The following BLTP2 variants were observed in gnomAD, a reference collection of about 807,000 sequenced individuals.
The protein encoded by BLTP2 is U937-associated antigen.
At chr17:28,631,162 G>C in the BLTP2 span, among the ~76,000 whole-genome samples, 2 of 152,088 alleles carry the variant, frequency 1.3e-5, no homozygotes, top group Non-Finnish European at 2.9e-5. Context: ...ATAAGGTCAC[G>C]AGGGTGGGGC....
the BLTP2 span, among the ~76,000 whole-genome samples, chr17:28,625,843 G>C: frequency 1.1e-4 from 17 of 152,044 alleles, no homozygotes; most frequent in Non-Finnish European, 2.2e-4. Context: ...TCGGCTCACT[G>C]CAACCTCCAC....
At chr17:28,635,521 C>T in the BLTP2 span, 55 of 1,613,976 alleles carry the variant, frequency 3.4e-5, no homozygotes, top group Middle Eastern at 3.3e-4. Flanking sequence ...TAGTAGGTCT[C>T]GGCACTGTAG....
chr17:28,621,315 G>T, the BLTP2 span: 1 of 1,423,256 alleles, frequency 7.0e-7, no homozygotes, highest in Non-Finnish European at 9.9e-7. Flanking sequence ...ATACACTGAC[G>T]TTAAGAATAG....
At chr17:28,644,871 C>T in the BLTP2 span, 1 of 738,020 alleles carries the variant, frequency 1.4e-6, no homozygotes, top group East Asian at 3.2e-5. Context: ...CTCCACCCTA[C>T]CCACTCTGCC....
the BLTP2 span, among the ~76,000 whole-genome samples, chr17:28,621,963 G>C: frequency 6.6e-6 from 1 of 152,138 alleles, no homozygotes; most frequent in Non-Finnish European, 1.5e-5. Flanking sequence ...GAATAACATT[G>C]AGTGAGATGG....
chr17:28,634,384 G>T, the BLTP2 span: 1 of 849,598 alleles, frequency 1.2e-6, no homozygotes, highest in South Asian at 1.7e-5. Context: ...GGGAAGGGAA[G>T]CCCACCCATC....
chr17:28,618,582 C>A, the BLTP2 span: 6 of 432,522 alleles, frequency 1.4e-5, no homozygotes, highest in South Asian at 3.1e-4. Flanking sequence ...GGCATCAGAG[C>A]TATATGTGTA....
chr17:28,624,220 A>G, the BLTP2 span: 1 of 1,611,774 alleles, frequency 6.2e-7, no homozygotes, highest in African/African-American at 1.3e-5. Flanking sequence ...GGTAACTTGT[A>G]AAGAGAAGGT....
chr17:28,636,566 A>T, the BLTP2 span, among the ~76,000 whole-genome samples: 2 of 152,256 alleles, frequency 1.3e-5, no homozygotes, highest in African/African-American at 2.4e-5. Flanking sequence ...TGGTGACAGT[A>T]TAATTAAAAG....
At chr17:28,615,062 A>G in the BLTP2 span, 1 of 1,612,578 alleles carries the variant, frequency 6.2e-7, no homozygotes. Context: ...CGAATCGCCA[A>G]ATCATTTGCG....
At chr17:28,619,430 A>T in the BLTP2 span, among the ~76,000 whole-genome samples, 1 of 152,092 alleles carries the variant, frequency 6.6e-6, no homozygotes, top group Non-Finnish European at 1.5e-5. Flanking sequence ...CGGGAGTTCC[A>T]GACCAGCCTG....
chr17:28,628,665 T>A, the BLTP2 span: 2 of 922,966 alleles, frequency 2.2e-6, no homozygotes, highest in Non-Finnish European at 3.3e-6. Context: ...CCAGATGCCA[T>A]GGCTCATGCC....
At chr17:28,621,602 C>T in the BLTP2 span, 1 of 786,880 alleles carries the variant, frequency 1.3e-6, no homozygotes, top group Middle Eastern at 2.2e-4. Flanking sequence ...CACTTACTAT[C>T]TGGACCTCCA....
At chr17:28,645,124 C>A in the BLTP2 span, 30 of 1,373,022 alleles carry the variant, frequency 2.2e-5, no homozygotes, top group African/African-American at 4.6e-5. Context: ...CGGATCCGCG[C>A]AGCACCGCCG....
At chr17:28,620,573 G>A in the BLTP2 span, 23 of 1,614,018 alleles carry the variant, frequency 1.4e-5, no homozygotes, top group Non-Finnish European at 1.9e-5. Flanking sequence ...GGCATACTGA[G>A]CTGGGTTGGT....
the BLTP2 span, chr17:28,619,102 A>C: frequency 4.6e-6 from 3 of 658,354 alleles, no homozygotes; most frequent in Admixed American, 3.0e-5. Context: ...CAGTCCCTAC[A>C]TTTTTTTCAC....
chr17:28,639,350 C>T, the BLTP2 span: 2 of 1,613,986 alleles, frequency 1.2e-6, no homozygotes, highest in Non-Finnish European at 1.7e-6. Context: ...GTGAACTAGA[C>T]CCTTGGGTTT....
the BLTP2 span, chr17:28,637,728 G>A: frequency 1.9e-6 from 2 of 1,044,076 alleles, no homozygotes; most frequent in Non-Finnish European, 2.8e-6. Context: ...CTCGAGTGCA[G>A]TGGCACCATC....
the BLTP2 span, among the ~76,000 whole-genome samples, chr17:28,644,729 C>CT: frequency 6.6e-6 from 1 of 152,188 alleles, no homozygotes; most frequent in Non-Finnish European, 1.5e-5. Context: ...CCTCACACTC[C>CT]TATTCAGTTC....
Sources: allele counts gnomAD v4.1 joint callset (sites outside exome capture counted in the v4.1 genomes callset), GRCh38; gene constraint gnomAD v4.1.1; transcripts MANE v1.5; gene names NCBI Gene and HGNC (gene_info 2026-07-23, HGNC 2026-07-21).